The following WNK1 variants were observed in gnomAD, a reference collection of about 807,000 sequenced individuals.
WNK1 encodes the protein serine/threonine-protein kinase WNK1.
Under a neutral mutation model 222.8 loss-of-function variants are expected in WNK1, and 38 were observed. That is an observed-to-expected ratio of 0.17 (90% CI 0.13 to 0.22). WNK1 has a LOEUF of 0.22. WNK1 is among the 10% of genes least tolerant of loss of function. The pLI is 1.00. For missense variants in WNK1, 2,348 were observed against 2,918.4 expected (o/e 0.80, Z 4.50); for synonymous variants, 1,090 against 1,092.9 (o/e 1.00, Z 0.05).
chr12:814,216 C>G (rs2154011005), intron 2 of WNK1, among the ~76,000 whole-genome samples: 1 of 151,446 alleles, frequency 6.6e-6, no homozygotes, highest in South Asian at 2.1e-4. Flanking sequence ...GTAACCCCAG[C>G]TACTTGGGAG....
Position 754,015 on chromosome 12 carries a change from C to T in WNK1, c.450C>T (p.Gly150=). Residue 150 remains glycine (G), a synonymous_variant, in exon 1 of 28, where the codon GGC becomes GGT. Coordinates refer to ENST00000315939, the MANE Select transcript of WNK1 (RefSeq NM_018979.4). ...CCCCTGGGGAACAGGCCGTCGCGGGCCCTGCCCCCTCGACTGTCCCCAGCA... is the reference window on the plus strand; with the variant it reads ...CCCCTGGGGAACAGGCCGTCGCGGGTCCTGCCCCCTCGACTGTCCCCAGCA... ...AAAPGEQAVA[G]PAPSTVPSST... 6.3e-7 allele frequency: 1 copy of T among 1,586,942 alleles called. No homozygotes were observed. Among genetic ancestry groups the T allele is most frequent in the Non-Finnish European group, 8.6e-7 (1 of 1,167,072 alleles).
intron 8 of WNK1, among the ~76,000 whole-genome samples, chr12:864,362 C>T (rs892257365): frequency 1.4e-4 from 21 of 152,098 alleles, no homozygotes; most frequent in Admixed American, 9.8e-4. Context: ...CCACCTGCCT[C>T]GGCCTCCCAA....
chr12:904,177 A>G (rs1955509393), intron 26 of WNK1, among the ~76,000 whole-genome samples: 1 of 152,230 alleles, frequency 6.6e-6, no homozygotes, highest in South Asian at 2.1e-4. Flanking sequence ...CCAGAACCTC[A>G]GTGCAGGGCA....
rs755864750 is a variant in WNK1 at position 879,969 on chromosome 12, A to T, written c.2770A>T (p.Ile924Leu). 1 of 1,614,210 alleles carries T rather than the reference A, an allele frequency of 6.2e-7. No homozygotes were observed. Among genetic ancestry groups the T allele is most frequent in the South Asian group, 1.1e-5 (1 of 91,084 alleles). ...ACAACCAGCAGTTCAGTCCATGGGA[A>T]TACCAGCTAACCTTGGACAAGCTGC... ...LLQPAVQSMG[I>L]PANLGQAAEV... Residue 924 changes from isoleucine (I) to leucine (L), a missense_variant, in exon 11 of 28, where the codon ATA becomes TTA. Ile to Leu is a conservative substitution (Grantham distance 5). This residue lies in a region of WNK1 where 547 missense variants were observed against 558.3 expected (regional missense o/e 0.98). Coordinates refer to ENST00000315939, the MANE Select transcript of WNK1 (RefSeq NM_018979.4).
At chr12:758,831 C>T (rs920220889) in intron 1 of WNK1, among the ~76,000 whole-genome samples, 3 of 146,458 alleles carry the variant, frequency 2.0e-5, no homozygotes, top group African/African-American at 4.9e-5. Context: ...TTTTCTGACC[C>T]GTAGTAACAC....
chr12:894,484 C>A, intron 22 of WNK1, 78 bp from the exon 23 acceptor site: 1 of 1,236,328 alleles, frequency 8.1e-7, no homozygotes, highest in Non-Finnish European at 1.2e-6. Context: ...TTTGATTTTG[C>A]TGTATTTCTA....
chr12:813,867 T>A, intron 2 of WNK1, 53 bp downstream of exon 2: 1 of 1,583,816 alleles, frequency 6.3e-7, no homozygotes, highest in Non-Finnish European at 8.6e-7. Flanking sequence ...AGAATTTGAT[T>A]TTTTAAATTT....
chr12:789,509 T>C (rs1944641112), intron 1 of WNK1, among the ~76,000 whole-genome samples: 1 of 151,624 alleles, frequency 6.6e-6, no homozygotes, highest in East Asian at 1.9e-4. Context: ...TTCAGTGTCC[T>C]AGTAGAAACT....
Position 879,538 on chromosome 12 carries a change from AAGCCTGTCTGTTTTG to A in WNK1, c.2374-34_2374-20del. The A allele has an allele frequency of 1.4e-6, 1 of 719,278 alleles. No individual in the cohort carries two copies. The highest frequency in any genetic ancestry group is 2.0e-6 in the Non-Finnish European group (1 of 509,484). 44.6% of individuals were successfully genotyped at this position (719,278 alleles called of 1,614,324 possible). ...CTTTTTTTTTTTTTTTTTTTTTTTT[AAGCCTGTCTGTTTTG>A]TTTTTCTTTACCTTCCCAGCTTCCA... On this transcript the variant is annotated intron_variant, in intron 10 of 27. Coordinates refer to ENST00000315939, the MANE Select transcript of WNK1 (RefSeq NM_018979.4).
chr12:757,864 C>T (rs1461245159), intron 1 of WNK1, among the ~76,000 whole-genome samples: 3 of 145,978 alleles, frequency 2.1e-5, no homozygotes, highest in African/African-American at 7.3e-5. Context: ...GGCGAAACCC[C>T]ATCTCTACTA....
At chr12:889,033 G>T in intron 20 of WNK1, 107 bp from the exon 21 acceptor site, 2 of 860,190 alleles carry the variant, frequency 2.3e-6, no homozygotes, top group South Asian at 2.7e-5. Flanking sequence ...CAAATGTTAT[G>T]TTGTGCCAAT....
At chr12:862,978 G>C (rs2154067197) in intron 8 of WNK1, among the ~76,000 whole-genome samples, 1 of 152,258 alleles carries the variant, frequency 6.6e-6, no homozygotes, top group South Asian at 2.1e-4. Flanking sequence ...TTTTACATTA[G>C]ACACTCTTGT....
In WNK1 at chr12:910,391, C is replaced by T. The variant is rs1012032459; in HGVS notation, c.*1599C>T. On this transcript the variant is annotated 3_prime_UTR_variant, in exon 28 of 28. Transcript: ENST00000315939. ...GGTTGCAGGATCATAATCTATTGTG[C>T]CACCTTTATTTCTAGAAGTACAACT... 1 of 152,136 alleles carries T rather than the reference C, an allele frequency of 6.6e-6. No individual in the cohort carries two copies. The highest frequency in any genetic ancestry group is 1.5e-5 in the Non-Finnish European group (1 of 68,038). The allele number at this position is 152,136 out of a possible 1,614,324, so 9.4% of individuals were successfully genotyped here. A position where few individuals can be genotyped will look rare whatever the true frequency, so the allele number is the denominator to read the frequency against.
At chr12:801,029 C>G (rs998193207) in intron 1 of WNK1, among the ~76,000 whole-genome samples, 7 of 152,202 alleles carry the variant, frequency 4.6e-5, no homozygotes, top group Admixed American at 4.6e-4. Flanking sequence ...TACCCTCCAA[C>G]TATATTTTAG....
intron 1 of WNK1, among the ~76,000 whole-genome samples, chr12:770,839 T>TAA (rs1328653896): frequency 6.6e-6 from 1 of 152,204 alleles, no homozygotes; most frequent in Non-Finnish European, 1.5e-5. Flanking sequence ...GGCATTTCTT[T>TAA]ATGGCTTTGT....
In WNK1 at chr12:910,396, T is replaced by G. The variant is rs913212959; in HGVS notation, c.*1604T>G. On this transcript the variant is annotated 3_prime_UTR_variant, in exon 28 of 28. Coordinates refer to ENST00000315939, the MANE Select transcript of WNK1 (RefSeq NM_018979.4). ...CAGGATCATAATCTATTGTGCCACC[T>G]TTATTTCTAGAAGTACAACTAATAT... The G allele has an allele frequency of 6.6e-6, 1 of 152,222 alleles. No individual in the cohort carries two copies. The highest frequency in any genetic ancestry group is 6.5e-5 in the Admixed American group (1 of 15,280). The allele number at this position is 152,222 out of a possible 1,614,324, so 9.4% of individuals were successfully genotyped here.
Position 827,809 on chromosome 12 carries a change from G to A in WNK1, c.1153+547G>A, listed in dbSNP as rs1157167978. 6.6e-6 allele frequency among the ~76,000 whole-genome samples: 1 copy of A among 152,046 alleles called. No homozygotes were observed. Among genetic ancestry groups the A allele is most frequent in the Admixed American group, 6.6e-5 (1 of 15,254 alleles). Reference sequence around the variant, plus strand: ...CTCCTAAAGTGTTGGGATTACAGGCGTGAGCCACCCCGCCCAGCCAGCCAT... The same window carrying A: ...CTCCTAAAGTGTTGGGATTACAGGCATGAGCCACCCCGCCCAGCCAGCCAT... On this transcript the variant is annotated intron_variant, in intron 3 of 27. Transcript: ENST00000315939. This position sits in a 1 kb window ranked among gnomAD's most constrained non-coding sequence, Gnocchi z 4.6.
chr12:896,382 C>T lies in WNK1; in HGVS notation c.5895C>T (p.Asp1965=). The part of the protein sequence containing the change: ...VGRFSVSKTE[D]KITDTKKEGP... The stretch of plus-strand genomic sequence containing the variant: ...GTTTCTCTGTATCAAAAACTGAGGA[C>T]AAGATCACTGACACAAAGAAAGAAG... Residue 1965 remains aspartate, a synonymous_variant, in exon 24 of 28, where the codon GAC becomes GAT. Coordinates refer to ENST00000315939, the MANE Select transcript of WNK1 (RefSeq NM_018979.4). 1 of 1,614,114 alleles carries T rather than the reference C, an allele frequency of 6.2e-7. No individual in the cohort carries two copies. The highest frequency in any genetic ancestry group is 8.5e-7 in the Non-Finnish European group (1 of 1,180,024).
At chr12:847,066 A>C (rs1452472409) in intron 4 of WNK1, among the ~76,000 whole-genome samples, 1 of 152,172 alleles carries the variant, frequency 6.6e-6, no homozygotes, top group Non-Finnish European at 1.5e-5. Context: ...GAAGCATTTC[A>C]TTATTCTGCT....
Sources: gnomAD v4.1 joint callset for allele counts (sites outside exome capture counted in the v4.1 genomes callset) on GRCh38, gnomAD v4.1.1 for gene constraint, gnomAD v4.1.1 regional missense constraint, Gnocchi (gnomAD v3.1) non-coding constraint, MANE v1.5 for transcripts, NCBI Gene and HGNC (gene_info 2026-07-23, HGNC 2026-07-21) for gene names.